The following KIAA1671 variants were observed in gnomAD, a reference collection of about 807,000 sequenced individuals.
The protein encoded by KIAA1671 is uncharacterized protein KIAA1671.
In KIAA1671, 52 loss-of-function variants were observed where a neutral mutation model predicts 131.2. That is an observed-to-expected ratio of 0.40 (90% CI 0.32 to 0.50). The LOEUF (loss-of-function observed/expected upper bound fraction) is 0.50. KIAA1671 is among the 20% of genes least tolerant of loss of function. The probability of loss-of-function intolerance (pLI) is 0.73; values close to 1 mark genes in which losing one functional copy is unlikely to be tolerated. For synonymous variants in KIAA1671, 1,003 were observed against 961.6 expected, an observed-to-expected ratio of 1.04 and a Z score of -0.80; for missense variants, 2,360 against 2,364.2, an observed-to-expected ratio of 1.00 and a Z score of 0.04.
chr22:25,165,617 T>G (rs1933618558), intron 6 of KIAA1671, among the ~76,000 whole-genome samples: 1 of 152,124 alleles, frequency 6.6e-6, no homozygotes, highest in African/African-American at 2.4e-5. Flanking sequence ...TAAATTAAAT[T>G]CAAATAGTCA....
rs117394389 is a variant in KIAA1671, at chr22:24,983,251, C to T, written c.-208+30479C>T. Reference sequence around the variant, plus strand: ...TTCAAAACAACAGCACTGTGTTTTCCGACTTTCTTGAGGCTAATAGTGTCC... The same window carrying T: ...TTCAAAACAACAGCACTGTGTTTTCTGACTTTCTTGAGGCTAATAGTGTCC... On this transcript the variant is annotated intron_variant, in intron 1 of 12. Coordinates refer to ENST00000358431, the MANE Select transcript of KIAA1671 (RefSeq NM_001145206.2). Among the ~76,000 whole-genome samples, 460 of 152,238 alleles carry T rather than the reference C, an allele frequency of 3.0e-3. 8 individuals carry two copies. In the East Asian group the frequency reaches 0.061, roughly 20 times the overall value.
intron 1 of KIAA1671, among the ~76,000 whole-genome samples, chr22:25,001,215 GTATA>G (rs1422396614): frequency 6.1e-5 from 8 of 131,118 alleles, no homozygotes; most frequent in African/African-American, 2.1e-4. Flanking sequence ...GTATGTATGT[GTATA>G]TATGTATGTG....
chr22:25,166,144 G>A (rs1181638153), intron 6 of KIAA1671, among the ~76,000 whole-genome samples: 1 of 152,212 alleles, frequency 6.6e-6, no homozygotes, highest in Non-Finnish European at 1.5e-5. Context: ...CAGATAGCTG[G>A]TCATAGCTGG....
intron 6 of KIAA1671, among the ~76,000 whole-genome samples, chr22:25,139,900 C>CT (rs1243829806): frequency 6.6e-6 from 1 of 152,162 alleles, no homozygotes; most frequent in Non-Finnish European, 1.5e-5. Context: ...TCTTGGCTTA[C>CT]TTTAGAAAGC....
chr22:25,093,846 C>CTCTTTCTCTCTCTCTCTCTCTCTCTCTG lies in KIAA1671; in HGVS notation c.4530+44485_4530+44486insTTCTCTCTCTCTCTCTCTCTCTCTGTCT, dbSNP rs1568951663. ...TCTTTCTCTCTCTGTCTGTCTCTCT[C>CTCTTTCTCTCTCTCTCTCTCTCTCTCTG]TCTCTCTCTCTCTCTCTCTCTCTCT... On this transcript the variant is annotated intron_variant, in intron 6 of 12. Coordinates refer to ENST00000358431, the MANE Select transcript of KIAA1671 (RefSeq NM_001145206.2). 2.1e-5 allele frequency among the ~76,000 whole-genome samples: 2 copies of CTCTTTCTCTCTCTCTCTCTCTCTCTCTG among 94,568 alleles called. 1 individual carries two copies. The highest frequency in any genetic ancestry group is 4.9e-5 in the Non-Finnish European group (2 of 41,078). 62.0% of individuals were successfully genotyped at this position (94,568 alleles called of 152,430 possible).
At chr22:24,985,796 G>A (rs1221727001) in intron 1 of KIAA1671, among the ~76,000 whole-genome samples, 2 of 151,660 alleles carry the variant, frequency 1.3e-5, no homozygotes, top group African/African-American at 4.9e-5. Context: ...GAGAGAGAGA[G>A]AAACAGAATG....
intron 1 of KIAA1671, among the ~76,000 whole-genome samples, chr22:24,969,193 G>A (rs1207078922): frequency 1.3e-5 from 2 of 152,174 alleles, no homozygotes; most frequent in Non-Finnish European, 2.9e-5. Flanking sequence ...GAGCCACCGT[G>A]CCCGGCCTCG....
chr22:25,118,905 C>T (rs1371205103), intron 6 of KIAA1671, among the ~76,000 whole-genome samples: 4 of 152,178 alleles, frequency 2.6e-5, no homozygotes, highest in Non-Finnish European at 4.4e-5. Flanking sequence ...AATGCCCTTG[C>T]CCTCTCTTCA....
intron 1 of KIAA1671, among the ~76,000 whole-genome samples, chr22:24,987,239 C>T (rs1044206442): frequency 2.0e-5 from 3 of 150,662 alleles, no homozygotes; most frequent in Non-Finnish European, 4.4e-5. Flanking sequence ...GGTGCAAACT[C>T]GGCTCACTGC....
chr22:25,080,424 C>T (rs1929342577), intron 6 of KIAA1671, among the ~76,000 whole-genome samples: 1 of 152,188 alleles, frequency 6.6e-6, no homozygotes, highest in African/African-American at 2.4e-5. Context: ...GGAAGAGGTA[C>T]CCAGAGCCTT....
At chr22:25,140,903 A>G (rs560582966) in intron 6 of KIAA1671, among the ~76,000 whole-genome samples, 17 of 152,168 alleles carry the variant, frequency 1.1e-4, no homozygotes, top group Non-Finnish European at 2.1e-4. Context: ...CATTGGTCAA[A>G]AATATATGGG....
chr22:25,003,410 T>TC (rs1924577600), intron 1 of KIAA1671, among the ~76,000 whole-genome samples: 1 of 49,208 alleles, frequency 2.0e-5, no homozygotes, highest in African/African-American at 5.5e-5. Context: ...ATTTTTTTTT[T>TC]TTTTTTTTTT....
In KIAA1671 at chr22:25,040,420, C is replaced by G. The variant is rs908438659; in HGVS notation, c.3290C>G (p.Ala1097Gly). The change falls in exon 5 of 13, where the codon GCA becomes GGA. Residue 1097 changes from alanine (A) to glycine (G), a missense_variant. Ala to Gly is a moderately conservative substitution (Grantham distance 60). Around this residue, in one of 3 missense-constraint regions of KIAA1671, gnomAD observed 1,161 missense variants for 1,204.7 expected, o/e 0.96. Transcript: ENST00000358431. ...NWMKGREHEN[A>G]SILKTLKPTD... is the part of the protein sequence containing the mutation. ...ATGAAGGGACGAGAGCATGAAAATGCAAGCATTTTAAAAACTCTGAAGCCA... is the reference window on the plus strand; with the variant it reads ...ATGAAGGGACGAGAGCATGAAAATGGAAGCATTTTAAAAACTCTGAAGCCA... 9.7e-6 allele frequency: 15 copies of G among 1,551,910 alleles called. No homozygotes were observed. Among genetic ancestry groups the G allele is most frequent in the Non-Finnish European group, 1.3e-5 (15 of 1,147,080 alleles).
At chr22:25,151,429 CTTTT>C (rs67444002) in intron 6 of KIAA1671, among the ~76,000 whole-genome samples, 3 of 104,756 alleles carry the variant, frequency 2.9e-5, no homozygotes, top group Non-Finnish European at 1.8e-5. Flanking sequence ...AACATGAACT[CTTTT>C]TTTTTTTTTT....
intron 6 of KIAA1671, among the ~76,000 whole-genome samples, chr22:25,103,293 C>G (rs1482039912): frequency 1.3e-5 from 2 of 151,218 alleles, no homozygotes; most frequent in African/African-American, 4.9e-5. Flanking sequence ...TCACTGCAAC[C>G]TCTGCCTCCC....
chr22:24,967,721 G>A (rs900979142), intron 1 of KIAA1671, among the ~76,000 whole-genome samples: 4 of 152,170 alleles, frequency 2.6e-5, no homozygotes, highest in Admixed American at 6.5e-5. Context: ...GGCCGGGCGC[G>A]GTGGCTCACA....
chr22:25,189,080 G>A (rs4822568), intron 11 of KIAA1671, among the ~76,000 whole-genome samples: 42,911 of 151,158 alleles, frequency 0.28, 7,061 homozygotes, highest in East Asian at 0.48. Context: ...AGGAAGTGTC[G>A]AAGTCCAAAA....
intron 1 of KIAA1671, among the ~76,000 whole-genome samples, chr22:25,008,591 A>G (rs1351172925): frequency 6.6e-6 from 1 of 152,192 alleles, no homozygotes. Context: ...GCTCCACCAC[A>G]TGGGCCAGTT....
chr22:25,104,058 A>C (rs562501730), intron 6 of KIAA1671, among the ~76,000 whole-genome samples: 3 of 152,242 alleles, frequency 2.0e-5, no homozygotes, highest in Non-Finnish European at 2.9e-5. Context: ...GGCTCACTGC[A>C]ACCTCGGCCT....
Sources: allele counts gnomAD v4.1 joint callset (sites outside exome capture counted in the v4.1 genomes callset), GRCh38; gene constraint gnomAD v4.1.1; regional missense constraint gnomAD v4.1.1; transcripts MANE v1.5; gene names NCBI Gene and HGNC (gene_info 2026-07-23, HGNC 2026-07-21).